The following KCNAB1 variants were observed in gnomAD, a reference collection of about 807,000 sequenced individuals.
KCNAB1 encodes potassium voltage-gated channel subfamily A regulatory beta subunit 1.
KCNAB1 carries 35 observed loss-of-function variants against 64.6 expected under a neutral mutation model. That is an observed-to-expected ratio of 0.54 (90% CI 0.41 to 0.72). The LOEUF is 0.72. KCNAB1 is among the 30% of genes least tolerant of loss of function. The probability of loss-of-function intolerance (pLI) is 0.00; values close to 1 mark genes in which losing one functional copy is unlikely to be tolerated. For missense variants in KCNAB1, 401 were observed against 512.9 expected, an observed-to-expected ratio of 0.78 and a Z score of 2.11; for synonymous variants, 177 against 183.8, an observed-to-expected ratio of 0.96 and a Z score of 0.30.
At chr3:156,309,497 A>G (rs772659078) in intron 1 of KCNAB1, among the ~76,000 whole-genome samples, 2 of 152,254 alleles carry the variant, frequency 1.3e-5, no homozygotes, top group Non-Finnish European at 2.9e-5. Context: ...GCATAGCACC[A>G]TGATAGGGTT....
At chr3:156,438,215 T>C (rs1043280049) in intron 2 of KCNAB1, among the ~76,000 whole-genome samples, 3 of 152,182 alleles carry the variant, frequency 2.0e-5, no homozygotes, top group Non-Finnish European at 2.9e-5. Flanking sequence ...ATCCAATGAC[T>C]GAGTCCACTG....
intron 1 of KCNAB1, among the ~76,000 whole-genome samples, chr3:156,205,910 T>C (rs928427970): frequency 6.6e-6 from 1 of 152,234 alleles, no homozygotes; most frequent in African/African-American, 2.4e-5. Context: ...TCCAGGCACA[T>C]GGATAGTCCT....
intron 8 of KCNAB1, among the ~76,000 whole-genome samples, chr3:156,513,118 A>G (rs1717323770): frequency 6.6e-6 from 1 of 152,092 alleles, no homozygotes; most frequent in Admixed American, 6.5e-5. Context: ...AGGCTGAGGC[A>G]GGAGAATGGC....
chr3:156,286,248 G>C (rs991898906), intron 1 of KCNAB1, among the ~76,000 whole-genome samples: 1 of 152,134 alleles, frequency 6.6e-6, no homozygotes, highest in Non-Finnish European at 1.5e-5. Flanking sequence ...CAATTTCTCA[G>C]AATATAATAA....
intron 12 of KCNAB1, among the ~76,000 whole-genome samples, chr3:156,530,317 T>C (rs749073336): frequency 1.3e-5 from 2 of 152,082 alleles, no homozygotes; most frequent in African/African-American, 2.4e-5. Flanking sequence ...CTGGAGGATA[T>C]GGATGTGGAT....
chr3:156,294,359 T>A (rs2107973935), intron 1 of KCNAB1, among the ~76,000 whole-genome samples: 1 of 152,318 alleles, frequency 6.6e-6, no homozygotes, highest in Non-Finnish European at 1.5e-5. Context: ...TCTGTAACAG[T>A]CAGGAGATTT....
At chr3:156,447,361 C>T (rs1036522182) in intron 2 of KCNAB1, among the ~76,000 whole-genome samples, 48 of 152,106 alleles carry the variant, frequency 3.2e-4, no homozygotes, top group Middle Eastern at 3.4e-3. Context: ...ATCTGTTTCA[C>T]GATGGGAGAA....
intron 1 of KCNAB1, among the ~76,000 whole-genome samples, chr3:156,323,676 A>G (rs918282436): frequency 3.3e-5 from 5 of 152,152 alleles, no homozygotes; most frequent in African/African-American, 1.2e-4. Context: ...ATTGTGCAAT[A>G]TTGGGAGACG....
intron 1 of KCNAB1, among the ~76,000 whole-genome samples, chr3:156,405,386 G>A (rs1203912437): frequency 6.6e-6 from 1 of 152,164 alleles, no homozygotes; most frequent in Non-Finnish European, 1.5e-5. Context: ...ATCTTCACAA[G>A]GGTTCGTCTT....
At chr3:156,297,537 A>G (rs1329334627) in intron 1 of KCNAB1, among the ~76,000 whole-genome samples, 1 of 152,138 alleles carries the variant, frequency 6.6e-6, no homozygotes, top group Non-Finnish European at 1.5e-5. Context: ...GTTAAATTCC[A>G]TGGCACTCTC....
chr3:156,412,094 A>G (rs752387275), intron 1 of KCNAB1, among the ~76,000 whole-genome samples: 1 of 152,158 alleles, frequency 6.6e-6, no homozygotes, highest in African/African-American at 2.4e-5. Flanking sequence ...GAGACTGCTC[A>G]TATTTTAATA....
At chr3:156,489,415 T>C (rs981708054) in intron 8 of KCNAB1, among the ~76,000 whole-genome samples, 2 of 151,216 alleles carry the variant, frequency 1.3e-5, no homozygotes, top group Non-Finnish European at 3.0e-5. Context: ...CGGGATCAGC[T>C]ATATCAAATG....
intron 1 of KCNAB1, among the ~76,000 whole-genome samples, chr3:156,137,573 G>C (rs1714431215): frequency 6.7e-6 from 1 of 148,630 alleles, no homozygotes; most frequent in Middle Eastern, 3.2e-3. Context: ...TTTTGAGACA[G>C]AGTTTTGCTC....
intron 1 of KCNAB1, among the ~76,000 whole-genome samples, chr3:156,190,041 A>G (rs1713461640): frequency 6.6e-6 from 1 of 152,236 alleles, no homozygotes; most frequent in Non-Finnish European, 1.5e-5. Flanking sequence ...GTACAAGTAT[A>G]CAAAAGAAGT....
chr3:156,407,893 A>G (rs1261991285), intron 1 of KCNAB1, among the ~76,000 whole-genome samples: 1 of 152,218 alleles, frequency 6.6e-6, no homozygotes, highest in Non-Finnish European at 1.5e-5. Context: ...ATAAATTTTG[A>G]ACCAATGTGA....
chr3:156,459,160 A>G (rs968784420), intron 4 of KCNAB1, among the ~76,000 whole-genome samples: 12 of 152,216 alleles, frequency 7.9e-5, no homozygotes, highest in African/African-American at 2.7e-4. Flanking sequence ...TGGGAGGGAC[A>G]TAGAACATTT....
intron 1 of KCNAB1, among the ~76,000 whole-genome samples, chr3:156,296,119 A>T (rs1382534985): frequency 6.6e-6 from 1 of 152,144 alleles, no homozygotes; most frequent in Non-Finnish European, 1.5e-5. Context: ...TTTGGTGTAC[A>T]CTCTACAACC....
chr3:156,178,331 C>T (rs1451297683), intron 1 of KCNAB1, among the ~76,000 whole-genome samples: 1 of 152,222 alleles, frequency 6.6e-6, no homozygotes, highest in East Asian at 1.9e-4. Flanking sequence ...GAGACCTCTA[C>T]AATGACCTCT....
intron 1 of KCNAB1, among the ~76,000 whole-genome samples, chr3:156,269,552 T>C (rs1718908503): frequency 6.6e-6 from 1 of 152,180 alleles, no homozygotes; most frequent in African/African-American, 2.4e-5. Context: ...TCTTTGTTGA[T>C]TTTTTTGTTC....
Sources: allele counts gnomAD v4.1 joint callset (sites outside exome capture counted in the v4.1 genomes callset), GRCh38; gene constraint gnomAD v4.1.1; transcripts MANE v1.5; gene names NCBI Gene and HGNC (gene_info 2026-07-23, HGNC 2026-07-21).